PPM1H: variants seen among roughly 807,000 people sequenced by gnomAD.
PPM1H encodes the protein protein phosphatase, Mg2+/Mn2+ dependent 1H.
PPM1H carries 27 observed loss-of-function variants against 54.9 expected under a neutral mutation model. The observed-to-expected ratio is 0.49, with a 90% CI of 0.36 to 0.68. The LOEUF (loss-of-function observed/expected upper bound fraction) is 0.68, where lower values mean the gene tolerates loss of function less well. Among genes scored for constraint, PPM1H ranks in the 30% least tolerant of loss-of-function variants. PPM1H has a pLI of 0.00. For missense variants in PPM1H, 596 were observed against 667.8 expected (o/e 0.89, Z 1.19); for synonymous variants, 305 against 270.8 (o/e 1.13, Z -1.24).
chr12:62,707,648 G>T (rs1170588372), intron 6 of PPM1H, among the ~76,000 whole-genome samples: 1 of 152,134 alleles, frequency 6.6e-6, no homozygotes, highest in Non-Finnish European at 1.5e-5. Flanking sequence ...TTCAGTAATT[G>T]CCCCAGATGA....
intron 1 of PPM1H, among the ~76,000 whole-genome samples, chr12:62,842,591 A>T (rs1368635265): frequency 1.3e-5 from 2 of 152,238 alleles, no homozygotes; most frequent in Non-Finnish European, 2.9e-5. Flanking sequence ...ATATTGGACT[A>T]TCTAGGCCTC....
chr12:62,767,400 C>T (rs532282016), intron 4 of PPM1H, among the ~76,000 whole-genome samples: 10 of 152,282 alleles, frequency 6.6e-5, no homozygotes, highest in African/African-American at 1.9e-4. Context: ...TTGGTGCGTA[C>T]TTATGGTAGC....
At chr12:62,879,095 C>T (rs1870296783) in intron 1 of PPM1H, among the ~76,000 whole-genome samples, 1 of 152,174 alleles carries the variant, frequency 6.6e-6, no homozygotes, top group Non-Finnish European at 1.5e-5. Context: ...TTGGTCTAGT[C>T]AATTTGTACT....
At chr12:62,735,929 G>A (rs113746189) in intron 5 of PPM1H, among the ~76,000 whole-genome samples, 53 of 152,320 alleles carry the variant, frequency 3.5e-4, no homozygotes, top group African/African-American at 1.2e-3. Flanking sequence ...TCTGTGGCTG[G>A]AGCATGGGAT....
At chr12:62,786,943 A>G (rs2076675477) in intron 4 of PPM1H, among the ~76,000 whole-genome samples, 1 of 152,228 alleles carries the variant, frequency 6.6e-6, no homozygotes, top group Non-Finnish European at 1.5e-5. Flanking sequence ...ATGTATATAT[A>G]TACGTTTATG....
At chr12:62,877,322 G>A (rs1306207582) in intron 1 of PPM1H, among the ~76,000 whole-genome samples, 1 of 152,164 alleles carries the variant, frequency 6.6e-6, no homozygotes, top group Non-Finnish European at 1.5e-5. Context: ...CCATGAGATA[G>A]TATGAAGGCA....
chr12:62,913,939 AC>A (rs1871541484), intron 1 of PPM1H, among the ~76,000 whole-genome samples: 1 of 152,068 alleles, frequency 6.6e-6, no homozygotes, highest in Admixed American at 6.6e-5. Flanking sequence ...ACCTCAAGTG[AC>A]CCGCTGGCCT....
intron 1 of PPM1H, among the ~76,000 whole-genome samples, chr12:62,931,186 AG>A (rs1231870195): frequency 6.6e-6 from 1 of 152,190 alleles, no homozygotes; most frequent in African/African-American, 2.4e-5. Flanking sequence ...TTTCCTCCCA[AG>A]GAAGGCTTGG....
chr12:62,775,270 G>A (rs2120662735), intron 4 of PPM1H, among the ~76,000 whole-genome samples: 1 of 152,302 alleles, frequency 6.6e-6, no homozygotes, highest in South Asian at 2.1e-4. Flanking sequence ...GGCAGCCTCT[G>A]GACCAGAAGT....
At chr12:62,883,844 C>T (rs995731906) in intron 1 of PPM1H, among the ~76,000 whole-genome samples, 2 of 152,040 alleles carry the variant, frequency 1.3e-5, no homozygotes, top group Admixed American at 1.3e-4. Flanking sequence ...CATTTCCTCA[C>T]ATAATTGCAT....
At chr12:62,854,824 T>TA (rs1316812164) in intron 1 of PPM1H, among the ~76,000 whole-genome samples, 60 of 151,060 alleles carry the variant, frequency 4.0e-4, no homozygotes, top group South Asian at 2.1e-3. Context: ...AAAGCAATAT[T>TA]AAAAAAAAAC....
At chr12:62,699,344 G>T (rs1282400101) in intron 6 of PPM1H, among the ~76,000 whole-genome samples, 1 of 151,988 alleles carries the variant, frequency 6.6e-6, no homozygotes, top group African/African-American at 2.4e-5. Context: ...TTACAGGCGT[G>T]CGCCACTACC....
intron 3 of PPM1H, among the ~76,000 whole-genome samples, chr12:62,798,522 T>C (rs751574443): frequency 5.9e-5 from 9 of 151,872 alleles, no homozygotes; most frequent in Non-Finnish European, 1.3e-4. Flanking sequence ...CGGTAAGCTG[T>C]AGGCAGGTTG....
At position 62,844,268 on chromosome 12, in the gene PPM1H, C is replaced by A. The variant is rs548369935; in HGVS notation, c.246-11989G>T. The stretch of plus-strand genomic sequence containing the variant: ...TTAGCAGGGTTCAGCACTTTCTGTA[C>A]AAAGCCAGTATGTAACATTACAGTG... On this transcript the variant is annotated intron_variant, in intron 1 of 9. Coordinates refer to ENST00000228705, the MANE Select transcript of PPM1H (RefSeq NM_020700.2). This position sits in a 1 kb window ranked among gnomAD's most constrained non-coding sequence, Gnocchi z 5.2. Among the ~76,000 whole-genome samples, 26 of 152,242 alleles carry A rather than the reference C, an allele frequency of 1.7e-4. No individual in the cohort carries two copies. Among genetic ancestry groups the A allele is most frequent in the African/African-American group, 6.3e-4 (26 of 41,542 alleles).
At chr12:62,768,289 A>G (rs537994564) in intron 4 of PPM1H, among the ~76,000 whole-genome samples, 1 of 152,278 alleles carries the variant, frequency 6.6e-6, no homozygotes, top group African/African-American at 2.4e-5. Context: ...GGGGGAGCAC[A>G]TTGGGACAGA....
chr12:62,799,807 G>T (rs1255962224), intron 3 of PPM1H, among the ~76,000 whole-genome samples: 1 of 152,130 alleles, frequency 6.6e-6, no homozygotes, highest in Non-Finnish European at 1.5e-5. Flanking sequence ...GGAATACAGT[G>T]ACAAAAAAGC....
intron 6 of PPM1H, among the ~76,000 whole-genome samples, chr12:62,707,449 C>T (rs2076182159): frequency 6.6e-6 from 1 of 152,184 alleles, no homozygotes; most frequent in Non-Finnish European, 1.5e-5. Flanking sequence ...AATACTTTGA[C>T]AGCCCAGGCT....
At chr12:62,701,120 CA>C (rs1248585507) in intron 6 of PPM1H, among the ~76,000 whole-genome samples, 2 of 152,160 alleles carry the variant, frequency 1.3e-5, no homozygotes, top group Admixed American at 1.3e-4. Context: ...GTTAAGCAAG[CA>C]AATTAATACT....
At chr12:62,756,256 G>A in intron 4 of PPM1H, 1 of 702,890 alleles carries the variant, frequency 1.4e-6, no homozygotes, top group East Asian at 3.0e-5. Flanking sequence ...ACCAACCCCA[G>A]CGAGAGCGAG....
Sources: gnomAD v4.1 joint callset for allele counts (sites outside exome capture counted in the v4.1 genomes callset) on GRCh38, gnomAD v4.1.1 for gene constraint, Gnocchi (gnomAD v3.1) non-coding constraint, MANE v1.5 for transcripts, NCBI Gene and HGNC (gene_info 2026-07-23, HGNC 2026-07-21) for gene names.